The following ADAM7 variants were observed in gnomAD, a reference collection of about 807,000 sequenced individuals.
ADAM7 encodes disintegrin and metalloproteinase domain-containing protein 7.
ADAM7 carries 97 observed loss-of-function variants against 102.9 expected under a neutral mutation model. The ratio of observed to expected loss-of-function variants is 0.94; its 90% CI spans 0.80 to 1.12. The LOEUF (loss-of-function observed/expected upper bound fraction) is 1.12. Ranked by LOEUF, ADAM7 falls within the 50% of genes most tolerant of loss-of-function variation. ADAM7 has a pLI of 0.00. For synonymous variants in ADAM7, 334 were observed against 304.4 expected (o/e 1.10, Z -1.01); for missense variants, 991 against 908.7 (o/e 1.09, Z -1.16).
intron 7 of ADAM7, among the ~76,000 whole-genome samples, chr8:24,472,416 C>G (rs1819638359): frequency 6.6e-6 from 1 of 151,630 alleles, no homozygotes; most frequent in South Asian, 2.1e-4. Context: ...TCTTTTTTAC[C>G]ACAACCCAAT....
chr8:24,488,380 T>C (rs1820217538), intron 11 of ADAM7, among the ~76,000 whole-genome samples: 1 of 152,162 alleles, frequency 6.6e-6, no homozygotes, highest in Non-Finnish European at 1.5e-5. Flanking sequence ...CATAAAGCAT[T>C]GTATATAGTA....
chr8:24,453,354 T>C (rs998428727), intron 3 of ADAM7, among the ~76,000 whole-genome samples: 5 of 152,146 alleles, frequency 3.3e-5, no homozygotes, highest in Non-Finnish European at 7.4e-5. Flanking sequence ...TCATTTCTTT[T>C]TATTCTTTTT....
chr8:24,461,283 G>A (rs1193612552), intron 3 of ADAM7, among the ~76,000 whole-genome samples: 1 of 151,938 alleles, frequency 6.6e-6, no homozygotes, highest in African/African-American at 2.4e-5. Context: ...GAGCCACTAC[G>A]CCCAGCCGGT....
At chr8:24,456,913 G>A (rs1819055844) in intron 3 of ADAM7, among the ~76,000 whole-genome samples, 1 of 152,070 alleles carries the variant, frequency 6.6e-6, no homozygotes, top group Non-Finnish European at 1.5e-5. Context: ...TTCTATGAGT[G>A]TTCATGTACA....
chr8:24,486,289 A>T (rs774984237), intron 10 of ADAM7, among the ~76,000 whole-genome samples: 1 of 152,234 alleles, frequency 6.6e-6, no homozygotes, highest in Non-Finnish European at 1.5e-5. Context: ...TTAACATAGA[A>T]ATTAAAGCAT....
intron 20 of ADAM7, among the ~76,000 whole-genome samples, chr8:24,501,807 T>C (rs967919004): frequency 9.2e-5 from 14 of 152,046 alleles, no homozygotes; most frequent in African/African-American, 3.4e-4. Context: ...GAGCAGAATA[T>C]ATTGGTTTAA....
intron 8 of ADAM7, among the ~76,000 whole-genome samples, chr8:24,480,929 G>C (rs1819928316): frequency 6.6e-6 from 1 of 152,130 alleles, no homozygotes; most frequent in South Asian, 2.1e-4. Context: ...AGGCACAGTG[G>C]TGTGTGCCTG....
chr8:24,482,256 T>A lies in ADAM7; in HGVS notation c.820T>A (p.Trp274Arg), dbSNP rs1194613491. 6.2e-7 allele frequency: 1 copy of A among 1,611,582 alleles called. No individual in the cohort carries two copies. Among genetic ancestry groups the A allele is most frequent in the African/African-American group, 1.3e-5 (1 of 74,788 alleles). The change falls in exon 9 of 22, where the codon TGG becomes AGG. Residue 274 changes from tryptophan to arginine, a missense_variant. Physicochemically the swap from Trp to Arg is moderately radical, Grantham distance 101. Coordinates refer to ENST00000175238, the MANE Select transcript of ADAM7 (RefSeq NM_003817.4). ...AACTACCTTATTGCGTTTTTCATTT[T>A]GGCAAGAAAAGATCCTTAAAACACG... Reference protein sequence around the residue: ...IETTLLRFSFWQEKILKTRKD... With the variant: ...IETTLLRFSFRQEKILKTRKD...
chr8:24,490,788 G>C lies in ADAM7; in HGVS notation c.1267-11G>C, dbSNP rs752285376. The C allele has an allele frequency of 1.6e-5, 26 of 1,610,008 alleles. No homozygotes were observed. In the Admixed American group the frequency reaches 2.0e-4, roughly 12 times the overall value. On this transcript the variant is annotated splice_polypyrimidine_tract_variant and intron_variant, in intron 12 of 21. Transcript: ENST00000175238. ...ACCAATTTCTCATCTCTCTTTTGTGGTTATTGCCAGGAGTGTACTAATCCT... is the reference window on the plus strand; with the variant it reads ...ACCAATTTCTCATCTCTCTTTTGTGCTTATTGCCAGGAGTGTACTAATCCT...
Position 24,454,376 on chromosome 8 carries a change from C to G in ADAM7, c.233+7114C>G, listed in dbSNP as rs1289214437. Among the ~76,000 whole-genome samples the G allele has an allele frequency of 2.6e-5, 4 of 152,338 alleles. No homozygotes were observed. The East Asian group carries it at 7.7e-4, about 30-fold the overall frequency. ...GCAATGGCGGGCGCCCCTCCCCCAG[C>G]CTCGCTGCCGCCTTGCAGTTTGATC... On this transcript the variant is annotated intron_variant, in intron 3 of 21. Coordinates refer to ENST00000175238, the MANE Select transcript of ADAM7 (RefSeq NM_003817.4).
intron 6 of ADAM7, among the ~76,000 whole-genome samples, chr8:24,468,290 GA>G (rs112725172): frequency 0.048 from 6,678 of 137,902 alleles, 192 homozygotes; most frequent in African/African-American, 0.063. Flanking sequence ...CTCAGTAAAT[GA>G]AAAAAAAAAA....
At chr8:24,495,998 T>C (rs1820539793) in intron 16 of ADAM7, among the ~76,000 whole-genome samples, 1 of 152,218 alleles carries the variant, frequency 6.6e-6, no homozygotes, top group South Asian at 2.1e-4. Context: ...CAGGTCTTCA[T>C]AGCAGCCCCT....
chr8:24,464,960 T>A (rs931732683), intron 4 of ADAM7, among the ~76,000 whole-genome samples: 16 of 151,744 alleles, frequency 1.1e-4, no homozygotes, highest in African/African-American at 3.9e-4. Context: ...CTAATTTTTG[T>A]ATTTTTAGTA....
At chr8:24,453,499 C>T (rs1347418681) in intron 3 of ADAM7, among the ~76,000 whole-genome samples, 1 of 152,230 alleles carries the variant, frequency 6.6e-6, no homozygotes, top group Admixed American at 6.5e-5. Context: ...CTTTCAGCTC[C>T]ATCAGCTCCT....
intron 1 of ADAM7, among the ~76,000 whole-genome samples, chr8:24,441,945 A>G (rs1310803969): frequency 2.0e-5 from 3 of 152,118 alleles, no homozygotes; most frequent in Non-Finnish European, 4.4e-5. Context: ...AGGCTGAGGC[A>G]GGTGGATCAC....
At chr8:24,493,289 C>T (rs1449304430) in intron 16 of ADAM7, 60 bp downstream of exon 16, 4 of 1,429,672 alleles carry the variant, frequency 2.8e-6, no homozygotes, top group African/African-American at 1.5e-5. Context: ...AAAAACATTA[C>T]TGGATACTGT....
chr8:24,465,931 G>C (rs1819409773), intron 5 of ADAM7, among the ~76,000 whole-genome samples, 156 bp downstream of exon 5: 1 of 152,190 alleles, frequency 6.6e-6, no homozygotes, highest in South Asian at 2.1e-4. Context: ...TGTAGCCTAT[G>C]ATTTACATTT....
At chr8:24,504,443 T>A (rs1311607154) in intron 20 of ADAM7, among the ~76,000 whole-genome samples, 1 of 149,500 alleles carries the variant, frequency 6.7e-6, no homozygotes, top group African/African-American at 2.5e-5. Context: ...GCATTAGCTT[T>A]AAAAAAAAAA....
rs1387980847 is a variant in ADAM7 at position 24,488,315 on chromosome 8, C to A, written c.1092-844C>A. On this transcript the variant is annotated intron_variant, in intron 11 of 21. Transcript: ENST00000175238. ...CCTTCCCCATTGTACTGTGAATTACCAAGCAGTCAGGTCCTAAGTTTTGCA... is the reference window on the plus strand; with the variant it reads ...CCTTCCCCATTGTACTGTGAATTACAAAGCAGTCAGGTCCTAAGTTTTGCA... 2.6e-5 allele frequency among the ~76,000 whole-genome samples: 4 copies of A among 151,988 alleles called. No homozygotes were observed. In the East Asian group the frequency reaches 5.8e-4, roughly 22 times the overall value.
Sources: gnomAD v4.1 joint callset for allele counts (sites outside exome capture counted in the v4.1 genomes callset) on GRCh38, gnomAD v4.1.1 for gene constraint, MANE v1.5 for transcripts, NCBI Gene and HGNC (gene_info 2026-07-23, HGNC 2026-07-21) for gene names.